Variants in PAX5 observed in about 807,000 individuals in gnomAD.
PAX5 encodes paired box protein Pax-5.
Under a neutral mutation model 43.7 loss-of-function variants are expected in PAX5, and 9 were observed. That is an observed-to-expected ratio of 0.21 (90% confidence interval 0.12 to 0.36). The LOEUF is 0.36. PAX5 is among the 10% of genes least tolerant of loss of function. The probability of loss-of-function intolerance (pLI) is 1.00; values close to 1 mark genes in which losing one functional copy is unlikely to be tolerated. For synonymous variants in PAX5, 228 were observed against 214.3 expected, an observed-to-expected ratio of 1.06 and a Z score of -0.56; for missense variants, 383 against 532.7, an observed-to-expected ratio of 0.72 and a Z score of 2.77.
At chr9:37,002,526 G>A (rs1837975244) in intron 5 of PAX5, 122 bp downstream of exon 5, 4 of 1,028,056 alleles carry the variant, frequency 3.9e-6, no homozygotes, top group South Asian at 3.3e-5. Context: ...GCGGGCCGGG[G>A]GACTCGCTCC....
chr9:36,948,913 C>A (rs777941969), intron 6 of PAX5, among the ~76,000 whole-genome samples: 6 of 152,088 alleles, frequency 3.9e-5, no homozygotes, highest in East Asian at 1.9e-4. Flanking sequence ...CCCTGTAGAA[C>A]CTCTGATGTG....
rs1222049885 is a variant in PAX5 at position 37,018,570 on chromosome 9, CA to C, written c.212+2065del. Among the ~76,000 whole-genome samples the C allele has an allele frequency of 7.1e-3, 507 of 71,016 alleles. 14 individuals carry two copies. In the East Asian group the frequency reaches 0.12, roughly 16 times the overall value. 46.6% of individuals were successfully genotyped at this position (71,016 alleles called of 152,430 possible). On this transcript the variant is annotated intron_variant, in intron 2 of 9. Coordinates refer to ENST00000358127, the MANE Select transcript of PAX5 (RefSeq NM_016734.3). ...TGTGCCCATCAAATTCTTCAGTGACCAAAAAAAAAAAAAAAAAATCTGTGGA... is the reference window on the plus strand; with the variant it reads ...TGTGCCCATCAAATTCTTCAGTGACCAAAAAAAAAAAAAAAAATCTGTGGA...
chr9:36,888,918 C>G (rs572849781), intron 7 of PAX5, among the ~76,000 whole-genome samples: 1 of 152,352 alleles, frequency 6.6e-6, no homozygotes, highest in South Asian at 2.1e-4. Context: ...TCACACAGGC[C>G]TGGCTTCAAA....
rs146166822 is a variant in PAX5 at position 36,880,897 on chromosome 9, G to A, written c.1012+1107C>T. 3.1e-3 allele frequency among the ~76,000 whole-genome samples: 471 copies of A among 152,276 alleles called. 5 individuals are homozygous for A. The highest frequency in any genetic ancestry group is 8.4e-3 in the African/African-American group (349 of 41,550). The stretch of plus-strand genomic sequence containing the variant: ...CCGGCCCAGTCTGGCTTTTTTAGGT[G>A]CCCAGAGACAGTCAAGAGTGTGTGT... On this transcript the variant is annotated intron_variant, in intron 8 of 9. Coordinates refer to ENST00000358127, the MANE Select transcript of PAX5 (RefSeq NM_016734.3).
intron 1 of PAX5, among the ~76,000 whole-genome samples, chr9:37,029,863 TACG>T (rs1447613579): frequency 6.6e-6 from 1 of 152,168 alleles, no homozygotes; most frequent in Non-Finnish European, 1.5e-5. Flanking sequence ...AGAGGCAGGA[TACG>T]ACTTGTCCAA....
chr9:36,989,818 A>G (rs1836775206), intron 5 of PAX5, among the ~76,000 whole-genome samples: 1 of 152,210 alleles, frequency 6.6e-6, no homozygotes, highest in Non-Finnish European at 1.5e-5. Context: ...CTTCTGTGAC[A>G]TCCATGGCCC....
intron 9 of PAX5, among the ~76,000 whole-genome samples, chr9:36,842,798 C>A (rs1248177547): frequency 6.6e-6 from 1 of 152,154 alleles, no homozygotes; most frequent in African/African-American, 2.4e-5. Flanking sequence ...CCCTTGCCAC[C>A]CTGGGGCCCT....
intron 8 of PAX5, among the ~76,000 whole-genome samples, chr9:36,858,690 C>T (rs1362790399): frequency 6.6e-6 from 1 of 152,182 alleles, no homozygotes; most frequent in Non-Finnish European, 1.5e-5. Flanking sequence ...GGCCCAGCCC[C>T]CTCCAGCTTG....
chr9:36,899,241 C>G (rs1437807230), intron 7 of PAX5, among the ~76,000 whole-genome samples: 2 of 152,232 alleles, frequency 1.3e-5, no homozygotes, highest in African/African-American at 4.8e-5. Flanking sequence ...TCCTGTCCCC[C>G]ACAGTCCCAT....
chr9:37,014,911 G>C, intron 3 of PAX5, 86 bp downstream of exon 3: 2 of 1,258,062 alleles, frequency 1.6e-6, no homozygotes, highest in Non-Finnish European at 2.3e-6. Context: ...AAAGAGACCA[G>C]ATCTTCAGGA....
At chr9:36,944,720 G>A (rs3849925) in intron 6 of PAX5, among the ~76,000 whole-genome samples, 107,429 of 152,142 alleles carry the variant, frequency 0.71, 39,057 homozygotes, top group East Asian at 0.8. Context: ...GTTTTCAAAC[G>A]TGATTTCTTA....
At chr9:36,861,625 C>G (rs887636663) in intron 8 of PAX5, among the ~76,000 whole-genome samples, 3 of 151,662 alleles carry the variant, frequency 2.0e-5, no homozygotes, top group Non-Finnish European at 2.9e-5. Context: ...TGGGAAGGGC[C>G]CTCTAAGCAG....
intron 6 of PAX5, among the ~76,000 whole-genome samples, chr9:36,935,702 G>A (rs1363884924): frequency 6.6e-6 from 1 of 152,266 alleles, no homozygotes; most frequent in African/African-American, 2.4e-5. Context: ...GAGCTCAGGA[G>A]TGCTGTAGGC....
chr9:36,984,370 T>C (rs565922411), intron 5 of PAX5, among the ~76,000 whole-genome samples: 1 of 151,980 alleles, frequency 6.6e-6, no homozygotes, highest in African/African-American at 2.4e-5. Flanking sequence ...AACAGAGTGC[T>C]TGGGTTTGAA....
intron 6 of PAX5, among the ~76,000 whole-genome samples, chr9:36,961,434 G>A (rs960142517): frequency 3.9e-5 from 6 of 152,230 alleles, no homozygotes; most frequent in South Asian, 2.1e-4. Flanking sequence ...GCCCTGGCCC[G>A]TTCCATTTTG....
intron 6 of PAX5, among the ~76,000 whole-genome samples, chr9:36,946,087 G>A (rs60184820): frequency 0.043 from 6,485 of 151,978 alleles, 443 homozygotes; most frequent in African/African-American, 0.14. Flanking sequence ...GGAGTGCTCC[G>A]TCAGGATGCA....
rs561070975 is a variant in PAX5, at chr9:37,018,066, C to G, written c.212+2570G>C. ...TAACTCTCTGTGTGATCTTGGCCAA[C>G]TCACTTAGCCTCTCTAGGCCTCAAT... On this transcript the variant is annotated intron_variant, in intron 2 of 9. Transcript: ENST00000358127. 6.6e-5 allele frequency among the ~76,000 whole-genome samples: 10 copies of G among 152,292 alleles called. No individual in the cohort carries two copies. The South Asian group carries it at 2.1e-3, about 32-fold the overall frequency.
At chr9:36,880,072 T>C (rs1826268667) in intron 8 of PAX5, among the ~76,000 whole-genome samples, 1 of 152,274 alleles carries the variant, frequency 6.6e-6, no homozygotes, top group Non-Finnish European at 1.5e-5. Flanking sequence ...AAATGAAATA[T>C]GCTCCATCCT....
intron 7 of PAX5, among the ~76,000 whole-genome samples, chr9:36,894,068 G>C (rs906523535): frequency 6.6e-6 from 1 of 152,238 alleles, no homozygotes; most frequent in Non-Finnish European, 1.5e-5. Context: ...ATCGAGACCC[G>C]CCACGCCCCC....
Sources: gnomAD v4.1 joint callset for allele counts (sites outside exome capture counted in the v4.1 genomes callset) on GRCh38, gnomAD v4.1.1 for gene constraint, MANE v1.5 for transcripts, NCBI Gene and HGNC (gene_info 2026-07-23, HGNC 2026-07-21) for gene names.